PCDHGA3: variants seen among roughly 807,000 people sequenced by gnomAD.
PCDHGA3 encodes the protein protocadherin gamma-A3.
A neutral mutation model predicts 58.5 loss-of-function variants in PCDHGA3; 40 were observed. The ratio of observed to expected loss-of-function variants is 0.68; its 90% confidence interval spans 0.53 to 0.89. The LOEUF (loss-of-function observed/expected upper bound fraction) is 0.89. PCDHGA3 is among the 40% of genes least tolerant of loss of function. The pLI, the probability that PCDHGA3 is intolerant of heterozygous loss-of-function variation, is 0.00. For missense variants in PCDHGA3, 1,223 were observed against 1,195.9 expected (o/e 1.02, Z -0.33); for synonymous variants, 530 against 525.7 (o/e 1.01, Z -0.11).
chr5:141,371,060 A>ATC (rs751376669), intron 1 of PCDHGA3: 2 of 1,613,980 alleles, frequency 1.2e-6, no homozygotes, highest in South Asian at 2.2e-5. Context: ...AGCCCTCCAG[A>ATC]AGCTGTACCA....
intron 1 of PCDHGA3, chr5:141,388,729 G>A (rs1407038729): frequency 6.2e-7 from 1 of 1,614,012 alleles, no homozygotes; most frequent in Non-Finnish European, 8.5e-7. Flanking sequence ...TTCTCTTTCA[G>A]TGAAGCTAGC....
intron 1 of PCDHGA3, among the ~76,000 whole-genome samples, chr5:141,456,843 A>G (rs2098891742): frequency 6.6e-6 from 1 of 152,030 alleles, no homozygotes. Context: ...GGCGCCTGTA[A>G]TCCCAGCTAA....
intron 1 of PCDHGA3, chr5:141,418,232 G>A (rs1034684988): frequency 6.2e-7 from 1 of 1,614,066 alleles, no homozygotes; most frequent in Non-Finnish European, 8.5e-7. Flanking sequence ...GGTGATTGAG[G>A]ATGTTAATGA....
In PCDHGA3 at chr5:141,356,585, C is replaced by G. The variant is rs11575950; in HGVS notation, c.2424+10128C>G. 2,136 of 1,614,174 alleles carry G rather than the reference C, an allele frequency of 1.3e-3. 34 individuals carry two copies. Among genetic ancestry groups the G allele is most frequent in the South Asian group, 0.013 (1,179 of 91,086 alleles). On this transcript the variant is annotated intron_variant, in intron 1 of 3. Coordinates refer to ENST00000253812, the MANE Select transcript of PCDHGA3 (RefSeq NM_018916.4). ...CATGCTTCCTACTCTGCTTACATTCCTGAAAACAACCCCAGAGGAGCCTCC... is the reference window on the plus strand; with the variant it reads ...CATGCTTCCTACTCTGCTTACATTCGTGAAAACAACCCCAGAGGAGCCTCC...
intron 1 of PCDHGA3, among the ~76,000 whole-genome samples, chr5:141,464,964 A>G (rs1433148254): frequency 6.6e-6 from 1 of 152,030 alleles, no homozygotes; most frequent in Non-Finnish European, 1.5e-5. Flanking sequence ...CTTGTCTTGA[A>G]CTACTGGCTT....
chr5:141,395,310 A>T (rs752171326), intron 1 of PCDHGA3: 1 of 1,502,292 alleles, frequency 6.7e-7, no homozygotes, highest in African/African-American at 1.4e-5. Context: ...TTTGAAAAAC[A>T]TTGTGAAGAT....
intron 1 of PCDHGA3, chr5:141,366,288 C>T (rs1020562585): frequency 6.2e-7 from 1 of 1,613,748 alleles, no homozygotes; most frequent in Non-Finnish European, 8.5e-7. Flanking sequence ...GGCCAGCCCC[C>T]TCTGTCAGCC....
chr5:141,375,822 G>C (rs1439795137), intron 1 of PCDHGA3: 3 of 1,614,144 alleles, frequency 1.9e-6, no homozygotes. Context: ...CTGGCGCCCC[G>C]CTCCGCAGAG....
chr5:141,389,284 C>A, intron 1 of PCDHGA3: 1 of 1,614,048 alleles, frequency 6.2e-7, no homozygotes, highest in Non-Finnish European at 8.5e-7. Flanking sequence ...CCGCCTGGAG[C>A]CTCTATTTCA....
In PCDHGA3 at chr5:141,431,141, G is replaced by A. The variant is rs1262504427; in HGVS notation, c.2425-63666G>A. 24 of 1,614,212 alleles carry A rather than the reference G, an allele frequency of 1.5e-5. No individual in the cohort carries two copies. The highest frequency in any genetic ancestry group is 2.0e-5 in the Non-Finnish European group (24 of 1,180,030). On this transcript the variant is annotated intron_variant, in intron 1 of 3. Coordinates refer to ENST00000253812, the MANE Select transcript of PCDHGA3 (RefSeq NM_018916.4). The surrounding 1 kb of genome is among the most constrained non-coding windows in gnomAD (Gnocchi z 4.8). ...AGAAGTAGAAGTAAGGGACATTAAC[G>A]ACAATGCGCCTTACTTTCGTGAAAG...
chr5:141,433,374 T>A (rs948922353), intron 1 of PCDHGA3, among the ~76,000 whole-genome samples: 36 of 150,958 alleles, frequency 2.4e-4, no homozygotes, highest in African/African-American at 8.6e-4. Flanking sequence ...TATCTATCTA[T>A]CTATCTATCT....
chr5:141,371,226 A>G (rs772683388), intron 1 of PCDHGA3: 7 of 1,614,072 alleles, frequency 4.3e-6, no homozygotes, highest in Non-Finnish European at 5.9e-6. Flanking sequence ...TGCCGAAATC[A>G]TCTATGCCTT....
intron 1 of PCDHGA3, among the ~76,000 whole-genome samples, chr5:141,443,780 A>G (rs1337883957): frequency 6.6e-6 from 1 of 152,202 alleles, no homozygotes; most frequent in Non-Finnish European, 1.5e-5. Flanking sequence ...TACCAAAAAG[A>G]CAAAAAAAAT....
intron 1 of PCDHGA3, chr5:141,399,976 CTGCGCACAGGAGAGG>C: frequency 1.2e-6 from 2 of 1,612,242 alleles, no homozygotes; most frequent in Non-Finnish European, 8.5e-7. Context: ...CAGCCTGGGG[CTGCGCACAGGAGAGG>C]TGCGCACAGC....
intron 1 of PCDHGA3, chr5:141,385,163 A>T: frequency 6.2e-7 from 1 of 1,614,182 alleles, no homozygotes; most frequent in Non-Finnish European, 8.5e-7. Flanking sequence ...ACCTATTCCC[A>T]TGAGGTCTCC....
intron 1 of PCDHGA3, among the ~76,000 whole-genome samples, chr5:141,456,842 A>G (rs1374546355): frequency 6.6e-6 from 1 of 152,150 alleles, no homozygotes; most frequent in African/African-American, 2.4e-5. Flanking sequence ...GGGCGCCTGT[A>G]ATCCCAGCTA....
intron 1 of PCDHGA3, among the ~76,000 whole-genome samples, chr5:141,449,974 A>T (rs2098661108): frequency 6.6e-6 from 1 of 151,260 alleles, no homozygotes; most frequent in African/African-American, 2.4e-5. Context: ...TTTAGTCCAA[A>T]ATATCACACA....
At chr5:141,366,059 C>A (rs772139031) in intron 1 of PCDHGA3, 2 of 1,614,268 alleles carry the variant, frequency 1.2e-6, no homozygotes, top group Admixed American at 1.7e-5. Flanking sequence ...GGGCGTGGAG[C>A]TGGCGCCTCG....
chr5:141,384,492 AG>A (rs746302959), intron 1 of PCDHGA3: 2 of 1,614,164 alleles, frequency 1.2e-6, no homozygotes, highest in East Asian at 4.5e-5. Context: ...TACAACTAAG[AG>A]TGACTGCACA....
Sources: allele counts gnomAD v4.1 joint callset (sites outside exome capture counted in the v4.1 genomes callset), GRCh38; gene constraint gnomAD v4.1.1; non-coding constraint Gnocchi (gnomAD v3.1); transcripts MANE v1.5; gene names NCBI Gene and HGNC (gene_info 2026-07-23, HGNC 2026-07-21).